SNTG2: variants seen among roughly 807,000 people sequenced by gnomAD.
SNTG2 encodes the protein syntrophin gamma 2, also known as gamma-2-syntrophin.
Under a neutral mutation model 70.9 loss-of-function variants are expected in SNTG2, and 74 were observed. The observed-to-expected ratio is 1.04, with a 90% CI of 0.86 to 1.27. The LOEUF is 1.27. Among genes scored for constraint, SNTG2 ranks in the 50% most tolerant of loss-of-function variants. The probability of loss-of-function intolerance (pLI) is 0.00; values close to 1 mark genes in which losing one functional copy is unlikely to be tolerated. For synonymous variants in SNTG2, 278 were observed against 273.8 expected, an observed-to-expected ratio of 1.02 and a Z score of -0.15; for missense variants, 717 against 690.7, an observed-to-expected ratio of 1.04 and a Z score of -0.43.
At chr2:1,330,090 A>G (rs1019358775) in intron 16 of SNTG2, among the ~76,000 whole-genome samples, 6 of 152,100 alleles carry the variant, frequency 3.9e-5, no homozygotes, top group African/African-American at 9.7e-5. Context: ...ATCTTTGTAC[A>G]CTGCTGTTCC....
intron 1 of SNTG2, among the ~76,000 whole-genome samples, chr2:1,057,202 A>G (rs1225284121): frequency 6.6e-6 from 1 of 152,100 alleles, no homozygotes; most frequent in African/African-American, 2.4e-5. Context: ...CACTATTCAT[A>G]AAAGACTGTG....
In SNTG2 at chr2:1,165,554, CTGCTGAGA is replaced by C; in HGVS notation, c.419_426del (p.Leu140GlnfsTer5). The stretch of plus-strand genomic sequence containing the variant: ...ATTTTTGTCATATTGACAGGTGCAT[CTGCTGAGA>C]AATGCTGGCGATGAAGTTACCATCA... On this transcript the variant is annotated frameshift_variant, in exon 7 of 17. Coordinates refer to ENST00000308624, the MANE Select transcript of SNTG2 (RefSeq NM_018968.4). LOFTEE classifies it high-confidence loss of function. 1.2e-6 allele frequency: 2 copies of C among 1,611,824 alleles called. No individual in the cohort carries two copies. The highest frequency in any genetic ancestry group is 1.7e-6 in the Non-Finnish European group (2 of 1,179,240).
intron 16 of SNTG2, among the ~76,000 whole-genome samples, chr2:1,328,215 C>T (rs1000495466): frequency 6.6e-6 from 1 of 152,112 alleles, no homozygotes; most frequent in African/African-American, 2.4e-5. Context: ...CTGGGAATGA[C>T]AATTCCATGT....
chr2:1,155,356 C>CAT (rs1314768383), intron 6 of SNTG2, among the ~76,000 whole-genome samples: 1 of 152,100 alleles, frequency 6.6e-6, no homozygotes, highest in Non-Finnish European at 1.5e-5. Flanking sequence ...ACACACCACA[C>CAT]ACACATGTCC....
chr2:1,071,539 A>G (rs1297214479), intron 1 of SNTG2, among the ~76,000 whole-genome samples: 1 of 150,172 alleles, frequency 6.7e-6, no homozygotes, highest in Non-Finnish European at 1.5e-5. Flanking sequence ...ACTGGGAGAT[A>G]TACCTAATGC....
chr2:1,269,779 AT>A (rs1022630818), intron 14 of SNTG2, among the ~76,000 whole-genome samples: 16 of 152,248 alleles, frequency 1.1e-4, no homozygotes, highest in African/African-American at 3.9e-4. Context: ...TAGAGGAAAC[AT>A]TTTCAATAAT....
At chr2:1,080,330 T>G (rs1289096082) in intron 1 of SNTG2, among the ~76,000 whole-genome samples, 1 of 152,226 alleles carries the variant, frequency 6.6e-6, no homozygotes, top group African/African-American at 2.4e-5. Context: ...AGACACTGCC[T>G]GTGACTTATT....
intron 8 of SNTG2, among the ~76,000 whole-genome samples, chr2:1,186,312 T>C (rs560796929): frequency 2.0e-5 from 3 of 152,354 alleles, no homozygotes; most frequent in African/African-American, 7.2e-5. Flanking sequence ...CATTCACTTA[T>C]TTTCCTATTT....
intron 7 of SNTG2, among the ~76,000 whole-genome samples, chr2:1,170,900 A>AG (rs1377864417): frequency 6.6e-6 from 1 of 152,036 alleles, no homozygotes; most frequent in Non-Finnish European, 1.5e-5. Flanking sequence ...TGGTGACTCT[A>AG]GGCTCAACTT....
intron 1 of SNTG2, among the ~76,000 whole-genome samples, chr2:958,560 C>T (rs749491223): frequency 2.0e-5 from 3 of 152,084 alleles, no homozygotes; most frequent in African/African-American, 7.2e-5. Context: ...ATTACCTACA[C>T]TGTAATTGCT....
At position 1,346,214 on chromosome 2, in the gene SNTG2, G is replaced by T. The variant is rs951577096; in HGVS notation, c.1489-21129G>T. On this transcript the variant is annotated intron_variant, in intron 16 of 16. Coordinates refer to ENST00000308624, the MANE Select transcript of SNTG2 (RefSeq NM_018968.4). ...GGACATGCATAGGAAGAGTGGACTG[G>T]CACTTTTCCCCCTGTTCTGGGCACG... Among the ~76,000 whole-genome samples the T allele has an allele frequency of 1.9e-5, 2 of 102,938 alleles. 1 individual carries two copies. The highest frequency in any genetic ancestry group is 2.1e-4 in the Admixed American group (2 of 9,456). The allele number at this position is 102,938 out of a possible 152,430, so 67.5% of individuals were successfully genotyped here.
At chr2:1,331,331 G>A (rs1451488961) in intron 16 of SNTG2, among the ~76,000 whole-genome samples, 2 of 152,244 alleles carry the variant, frequency 1.3e-5, no homozygotes, top group Non-Finnish European at 1.5e-5. Context: ...AAAGCATGCT[G>A]TGTAAATTTG....
At chr2:952,703 G>A (rs73908609) in intron 1 of SNTG2, among the ~76,000 whole-genome samples, 4,854 of 152,216 alleles carry the variant, frequency 0.032, 245 homozygotes, top group African/African-American at 0.11. Context: ...CAATAAGATG[G>A]AGCATTTTAA....
intron 8 of SNTG2, among the ~76,000 whole-genome samples, chr2:1,185,312 A>G (rs933470928): frequency 1.3e-5 from 2 of 152,050 alleles, no homozygotes; most frequent in Non-Finnish European, 2.9e-5. Flanking sequence ...CATGGTGCAA[A>G]CTGTCAGTAG....
intron 8 of SNTG2, among the ~76,000 whole-genome samples, chr2:1,176,863 C>G (rs757822343): frequency 3.3e-5 from 5 of 152,102 alleles, no homozygotes; most frequent in Admixed American, 1.3e-4. Context: ...GAAATAGGAA[C>G]ACTTTTTCAC....
rs185947388 is a variant in SNTG2, at chr2:1,083,970, G to A, written c.210+315G>A. On this transcript the variant is annotated intron_variant, in intron 2 of 16. Coordinates refer to ENST00000308624, the MANE Select transcript of SNTG2 (RefSeq NM_018968.4). ...GCAGGGGAATCACTTGAATCCAGGAGGCGGAGGTTTCAGTGAGCCAAGATC... is the reference window on the plus strand; with the variant it reads ...GCAGGGGAATCACTTGAATCCAGGAAGCGGAGGTTTCAGTGAGCCAAGATC... 3.3e-5 allele frequency among the ~76,000 whole-genome samples: 5 copies of A among 152,158 alleles called. No individual in the cohort carries two copies. The East Asian group carries it at 9.7e-4, about 29-fold the overall frequency.
intron 6 of SNTG2, among the ~76,000 whole-genome samples, chr2:1,157,237 A>C (rs978279269): frequency 3.3e-5 from 5 of 152,098 alleles, no homozygotes; most frequent in Non-Finnish European, 7.4e-5. Context: ...GTGTCACTAG[A>C]GACTTGGTAA....
At chr2:1,284,408 T>G (rs556746299) in intron 14 of SNTG2, among the ~76,000 whole-genome samples, 1 of 152,352 alleles carries the variant, frequency 6.6e-6, no homozygotes, top group East Asian at 1.9e-4. Flanking sequence ...AAGTCCAGCA[T>G]TTTTCTGGGA....
chr2:1,119,008 G>A lies in SNTG2; in HGVS notation c.326-18614G>A, dbSNP rs894323070. Among the ~76,000 whole-genome samples the A allele has an allele frequency of 3.9e-5, 6 of 152,174 alleles. No homozygotes were observed. In the South Asian group the frequency reaches 1.2e-3, roughly 32 times the overall value. On this transcript the variant is annotated intron_variant, in intron 4 of 16. Transcript: ENST00000308624. ...GTGTCAAAAGTCAAAGGCAAAAAAA[G>A]GATAATTTTAAATGAAGCAAAAGTG...
Sources: gnomAD v4.1 joint callset for allele counts (sites outside exome capture counted in the v4.1 genomes callset) on GRCh38, gnomAD v4.1.1 for gene constraint, MANE v1.5 for transcripts, NCBI Gene and HGNC (gene_info 2026-07-23, HGNC 2026-07-21) for gene names.